The following CDK13 variants were observed in gnomAD, a reference collection of about 807,000 sequenced individuals.
CDK13 encodes cyclin dependent kinase 13.
A neutral mutation model predicts 137.6 loss-of-function variants in CDK13; 40 were observed. That is an observed-to-expected ratio of 0.29 (90% CI 0.23 to 0.38). CDK13 has a LOEUF of 0.38. Ranked by LOEUF, CDK13 falls within the 10% of genes least tolerant of loss-of-function variation. The pLI, the probability that CDK13 is intolerant of heterozygous loss-of-function variation, is 1.00. For synonymous variants in CDK13, 869 were observed against 760.1 expected (o/e 1.14, Z -2.36); for missense variants, 1,704 against 1,951.8 (o/e 0.87, Z 2.39).
intron 12 of CDK13, among the ~76,000 whole-genome samples, chr7:40,090,713 C>T (rs1274304490): frequency 4.0e-5 from 6 of 149,918 alleles, no homozygotes; most frequent in African/African-American, 2.5e-5. Flanking sequence ...GGCAAAACCC[C>T]GTCTCTACAA....
chr7:40,022,846 T>C (rs1785156108), intron 5 of CDK13, among the ~76,000 whole-genome samples: 1 of 150,608 alleles, frequency 6.6e-6, no homozygotes, highest in African/African-American at 2.4e-5. Context: ...AAGTTTTTTT[T>C]CTTTTCGTCT....
intron 11 of CDK13, among the ~76,000 whole-genome samples, chr7:40,082,781 ACT>A (rs1441924084): frequency 2.2e-5 from 3 of 136,682 alleles, no homozygotes; most frequent in Middle Eastern, 8.5e-3. Context: ...ACAGAGCAAG[ACT>A]CTGCCTCAAA....
intron 9 of CDK13, chr7:40,072,792 C>G (rs1786451754): frequency 6.6e-6 from 1 of 152,100 alleles, no homozygotes; most frequent in African/African-American, 2.4e-5. Flanking sequence ...TTTTATTAGG[C>G]TTGGATGGTA....
chr7:39,968,112 T>G (rs1430377618), intron 1 of CDK13, among the ~76,000 whole-genome samples: 1 of 152,210 alleles, frequency 6.6e-6, no homozygotes, highest in Non-Finnish European at 1.5e-5. Context: ...TTGATTTGAG[T>G]TGCTAATATA....
chr7:40,061,421 T>G (rs1786145796), intron 7 of CDK13: 1 of 152,144 alleles, frequency 6.6e-6, no homozygotes, highest in African/African-American at 2.4e-5. Context: ...CTTAAGTTAT[T>G]TGGAGAAATT....
At chr7:39,989,606 T>C (rs1784415422) in intron 2 of CDK13, among the ~76,000 whole-genome samples, 1 of 152,160 alleles carries the variant, frequency 6.6e-6, no homozygotes, top group African/African-American at 2.4e-5. Flanking sequence ...TGTTATTTAA[T>C]TATACTACTA....
intron 2 of CDK13, among the ~76,000 whole-genome samples, chr7:39,993,503 A>G (rs1784505521): frequency 6.6e-6 from 1 of 152,178 alleles, no homozygotes; most frequent in Non-Finnish European, 1.5e-5. Context: ...TCTCAAAATT[A>G]CAGTCTGTTT....
At chr7:40,052,004 A>G (rs1785899421) in intron 7 of CDK13, among the ~76,000 whole-genome samples, 1 of 152,164 alleles carries the variant, frequency 6.6e-6, no homozygotes, top group Non-Finnish European at 1.5e-5. Flanking sequence ...TCTGACAGCT[A>G]CAATGTTTCC....
At chr7:39,963,738 T>C (rs1783803651) in intron 1 of CDK13, among the ~76,000 whole-genome samples, 1 of 152,210 alleles carries the variant, frequency 6.6e-6, no homozygotes, top group East Asian at 1.9e-4. Context: ...TTTTGCCCAT[T>C]CGGTATGATA....
chr7:39,991,339 TC>T (rs1176319345), intron 2 of CDK13, among the ~76,000 whole-genome samples: 1 of 152,230 alleles, frequency 6.6e-6, no homozygotes, highest in Non-Finnish European at 1.5e-5. Context: ...AATGTAAAGA[TC>T]ACTTTAAAGA....
chr7:39,951,789 C>T lies in CDK13; in HGVS notation c.1148C>T (p.Ser383Phe), dbSNP rs368733363. 6.1e-6 allele frequency: 9 copies of T among 1,469,808 alleles called. No homozygotes were observed. Among genetic ancestry groups the T allele is most frequent in the Middle Eastern group, 1.8e-4 (1 of 5,480 alleles). The allele number at this position is 1,469,808 out of a possible 1,614,324, so 91.0% of individuals were successfully genotyped here. A position where few individuals can be genotyped will look rare whatever the true frequency, so the allele number is the denominator to read the frequency against. ...TCCTACGAGCGGGGCGGCGACGTGT[C>T]CCCTAGTCCCTACAGCAGCAGCAGC... Reference protein sequence around the residue: ...HSSYERGGDVSPSPYSSSSWR... With the variant: ...HSSYERGGDVFPSPYSSSSWR... Residue 383 changes from serine to phenylalanine, a missense_variant, in exon 1 of 14, where the codon TCC (serine) becomes TTC (phenylalanine). Ser to Phe is a radical substitution (Grantham distance 155). This residue lies in a region of CDK13 where 1,051 missense variants were observed against 931.0 expected (regional missense o/e 1.13). Transcript: ENST00000181839.
chr7:40,094,654 G>C lies in CDK13; in HGVS notation c.4213G>C (p.Ala1405Pro). ...AFSESFPSSV[A>P]GYGDIYLNAG... ...TTCTGAGTCATTTCCCAGTTCAGTA[G>C]CTGGATATGGAGACATTTACCTCAA... Residue 1405 changes from alanine (A) to proline (P), a missense_variant, in exon 14 of 14, where the codon GCT becomes CCT. Coordinates refer to ENST00000181839, the MANE Select transcript of CDK13 (RefSeq NM_003718.5). 6.2e-7 allele frequency: 1 copy of C among 1,614,168 alleles called. No homozygotes were observed. The highest frequency in any genetic ancestry group is 8.5e-7 in the Non-Finnish European group (1 of 1,180,032).
Position 39,951,195 on chromosome 7 carries a change from C to A in CDK13, c.554C>A (p.Ser185Tyr). 1 of 1,251,262 alleles carries A rather than the reference C, an allele frequency of 8.0e-7. No individual in the cohort carries two copies. The highest frequency in any genetic ancestry group is 3.4e-5 in the South Asian group (1 of 29,626). The allele number at this position is 1,251,262 out of a possible 1,614,324, so 77.5% of individuals were successfully genotyped here. A position where few individuals can be genotyped will look rare whatever the true frequency, so the allele number is the denominator to read the frequency against. Reference protein sequence around the residue: ...GGSGGSPASSSGTQRRGEGSE... With the variant: ...GGSGGSPASSYGTQRRGEGSE... Reference sequence around the variant, plus strand: ...AGCGGCGGGAGTCCGGCCTCCTCCTCCGGCACCCAGCGGCGCGGGGAGGGG... The same window carrying A: ...AGCGGCGGGAGTCCGGCCTCCTCCTACGGCACCCAGCGGCGCGGGGAGGGG... The change falls in exon 1 of 14, where the codon TCC (serine) becomes TAC (tyrosine). Residue 185 changes from serine to tyrosine, a missense_variant. Around this residue, in one of 5 missense-constraint regions of CDK13, gnomAD observed 1,051 missense variants for 931.0 expected, o/e 1.13. Coordinates refer to ENST00000181839, the MANE Select transcript of CDK13 (RefSeq NM_003718.5).
In CDK13 at chr7:39,968,333, C is replaced by T. The variant is rs1461085718; in HGVS notation, c.1211+16481C>T. 2.0e-5 allele frequency among the ~76,000 whole-genome samples: 3 copies of T among 152,138 alleles called. 1 individual carries two copies. The highest frequency in any genetic ancestry group is 6.6e-5 in the Admixed American group (1 of 15,262). Reference sequence around the variant, plus strand: ...ACTAATGTCATGGAGCTTTTCTTCTCCTTTCTACTGTATAAGGTGTGAGAT... The same window carrying T: ...ACTAATGTCATGGAGCTTTTCTTCTTCTTTCTACTGTATAAGGTGTGAGAT... On this transcript the variant is annotated intron_variant, in intron 1 of 13. Coordinates refer to ENST00000181839, the MANE Select transcript of CDK13 (RefSeq NM_003718.5).
intron 9 of CDK13, 100 bp from the exon 10 acceptor site, chr7:40,077,905 A>G (rs1176918715): frequency 3.6e-6 from 2 of 554,398 alleles, no homozygotes; most frequent in African/African-American, 3.9e-5. Context: ...CCAAGGCTTC[A>G]ATTTTTGTGT....
chr7:39,951,029 G>C lies in CDK13; in HGVS notation c.388G>C (p.Gly130Arg). The C allele has an allele frequency of 3.1e-6, 4 of 1,294,972 alleles. No individual in the cohort carries two copies. Among genetic ancestry groups the C allele is most frequent in the Non-Finnish European group, 3.9e-6 (4 of 1,023,988 alleles). The allele number at this position is 1,294,972 out of a possible 1,614,324, so 80.2% of individuals were successfully genotyped here. The change falls in exon 1 of 14, where the codon GGC (glycine) becomes CGC (arginine). Residue 130 changes from glycine (G) to arginine (R), a missense_variant. By Grantham distance (125) the Gly-to-Arg change is moderately radical. Around this residue, in one of 5 missense-constraint regions of CDK13, gnomAD observed 1,051 missense variants for 931.0 expected, o/e 1.13. Coordinates refer to ENST00000181839, the MANE Select transcript of CDK13 (RefSeq NM_003718.5). The part of the protein sequence containing the change: ...VFSLPQPQQD[G>R]GGGASSGGGV... ...CTCGCTGCCCCAGCCGCAGCAGGAC[G>C]GCGGTGGCGGTGCTAGTAGCGGCGG...
chr7:39,958,404 A>T (rs1467105771), intron 1 of CDK13, among the ~76,000 whole-genome samples: 2 of 152,150 alleles, frequency 1.3e-5, no homozygotes, highest in African/African-American at 2.4e-5. Flanking sequence ...TAATGGTAGA[A>T]ATTTTCCGTT....
intron 1 of CDK13, among the ~76,000 whole-genome samples, chr7:39,972,677 C>G (rs1170650960): frequency 6.6e-6 from 1 of 152,114 alleles, no homozygotes. Context: ...GGCCAAATAT[C>G]CCATTGTATG....
intron 5 of CDK13, among the ~76,000 whole-genome samples, chr7:40,026,408 C>CTGAGGTAGGAGGATCCCTTGCT (rs1158328300): frequency 9.2e-5 from 14 of 152,286 alleles, no homozygotes; most frequent in African/African-American, 3.1e-4. Context: ...ACTTGGGGGG[C>CTGAGGTAGGAGGATCCCTTGCT]TGAGGTAGGA....
Sources: allele counts gnomAD v4.1 joint callset (sites outside exome capture counted in the v4.1 genomes callset), GRCh38; gene constraint gnomAD v4.1.1; regional missense constraint gnomAD v4.1.1; transcripts MANE v1.5; gene names NCBI Gene and HGNC (gene_info 2026-07-23, HGNC 2026-07-21).